The following EGFLAM variants were observed in gnomAD, a reference collection of about 807,000 sequenced individuals.
The protein encoded by EGFLAM is pikachurin.
A neutral mutation model predicts 113.1 loss-of-function variants in EGFLAM; 79 were observed. That is an observed-to-expected ratio of 0.70 (90% CI 0.58 to 0.84). EGFLAM has a LOEUF of 0.84. Among genes scored for constraint, EGFLAM ranks in the 40% least tolerant of loss-of-function variants. The pLI, the probability that EGFLAM is intolerant of heterozygous loss-of-function variation, is 0.00. For missense variants in EGFLAM, 1,265 were observed against 1,291.6 expected, an observed-to-expected ratio of 0.98 and a Z score of 0.32; for synonymous variants, 504 against 487.6, an observed-to-expected ratio of 1.03 and a Z score of -0.44.
Position 38,311,782 on chromosome 5 carries a change from A to G in EGFLAM, c.98-25738A>G, listed in dbSNP as rs977570594. ...TAGAGTTGCTGACAATGAGAAGGGGATGCAAAAAAGGCAAAGAAACAGAAG... is the reference window on the plus strand; with the variant it reads ...TAGAGTTGCTGACAATGAGAAGGGGGTGCAAAAAAGGCAAAGAAACAGAAG... On this transcript the variant is annotated intron_variant, in intron 1 of 21. Transcript: ENST00000322350. Among the ~76,000 whole-genome samples the G allele has an allele frequency of 3.3e-5, 5 of 152,228 alleles. No homozygotes were observed. In the South Asian group the frequency reaches 1.0e-3, roughly 32 times the overall value.
intron 12 of EGFLAM, among the ~76,000 whole-genome samples, chr5:38,420,381 A>G (rs1457300719): frequency 6.6e-6 from 1 of 152,202 alleles, no homozygotes; most frequent in Non-Finnish European, 1.5e-5. Flanking sequence ...TGTCTCCAAA[A>G]TCCATCTTCT....
At chr5:38,358,626 C>T (rs1310566013) in intron 5 of EGFLAM, among the ~76,000 whole-genome samples, 1 of 151,950 alleles carries the variant, frequency 6.6e-6, no homozygotes, top group Non-Finnish European at 1.5e-5. Context: ...CTATTACCCC[C>T]AAAATAGAGG....
chr5:38,396,017 C>T (rs575759158), intron 6 of EGFLAM, among the ~76,000 whole-genome samples: 62 of 104,730 alleles, frequency 5.9e-4, no homozygotes, highest in African/African-American at 2.8e-3. Context: ...TCCCTGCTTT[C>T]CTTCAAGCTA....
intron 1 of EGFLAM, among the ~76,000 whole-genome samples, chr5:38,268,185 A>G (rs377711619): frequency 6.6e-6 from 1 of 152,144 alleles, no homozygotes; most frequent in East Asian, 1.9e-4. Flanking sequence ...AGCATTACCT[A>G]TTGTAATAAA....
chr5:38,349,727 G>A (rs1305049326), intron 3 of EGFLAM, among the ~76,000 whole-genome samples: 1 of 151,216 alleles, frequency 6.6e-6, no homozygotes, highest in Non-Finnish European at 1.5e-5. Context: ...GCCCTCTTCC[G>A]CTGGGGCTTC....
chr5:38,425,063 T>C lies in EGFLAM; in HGVS notation c.1781T>C (p.Leu594Pro). 2 of 1,614,030 alleles carry C rather than the reference T, an allele frequency of 1.2e-6. No homozygotes were observed. The highest frequency in any genetic ancestry group is 1.1e-5 in the South Asian group (1 of 91,066). ...GACTCCTACATTTGCCTCTGTCCCC[T>C]TGGGTTTAAAGGTCGACACTGTGAA... ...KADSYICLCP[L>P]GFKGRHCEDA... The change falls in exon 13 of 22, where the codon CTT (leucine) becomes CCT (proline). Residue 594 changes from leucine to proline, a missense_variant. Coordinates refer to ENST00000322350, the MANE Select transcript of EGFLAM (RefSeq NM_152403.4).
At chr5:38,273,467 C>T (rs756685415) in intron 1 of EGFLAM, among the ~76,000 whole-genome samples, 4 of 152,244 alleles carry the variant, frequency 2.6e-5, no homozygotes, top group Non-Finnish European at 4.4e-5. Context: ...GACTTTTGGG[C>T]ATGCCCCAGT....
chr5:38,449,403 C>A (rs977785206), intron 18 of EGFLAM, among the ~76,000 whole-genome samples: 3 of 152,316 alleles, frequency 2.0e-5, no homozygotes, highest in Non-Finnish European at 2.9e-5. Flanking sequence ...TCTACGTTGT[C>A]TTGGCATGGG....
At chr5:38,333,106 T>C (rs1303987324) in intron 1 of EGFLAM, among the ~76,000 whole-genome samples, 1 of 152,222 alleles carries the variant, frequency 6.6e-6, no homozygotes, top group Non-Finnish European at 1.5e-5. Flanking sequence ...TCCAGCTCCA[T>C]TCATGTTCCC....
Position 38,409,051 on chromosome 5 carries a change from C to T in EGFLAM, c.1296C>T (p.His432=), listed in dbSNP as rs375160813. 11 of 1,595,208 alleles carry T rather than the reference C, an allele frequency of 6.9e-6. No homozygotes were observed. Among genetic ancestry groups the T allele is most frequent in the African/African-American group, 2.7e-5 (2 of 74,526 alleles). The change falls in exon 10 of 22, where the codon CAC becomes CAT. Residue 432 remains histidine, a synonymous_variant. Coordinates refer to ENST00000322350, the MANE Select transcript of EGFLAM (RefSeq NM_152403.4). ...TGCTCTACTGTGGGGAGAACGAACA[C>T]GGGAGGGGGGATTTCATGTCCCTGG... ...GLLLYCGENE[H]GRGDFMSLAI... is the part of the protein sequence containing the mutation.
At chr5:38,344,090 A>G (rs918777517) in intron 3 of EGFLAM, among the ~76,000 whole-genome samples, 2 of 152,260 alleles carry the variant, frequency 1.3e-5, no homozygotes, top group Admixed American at 6.5e-5. Context: ...AAAGAACAGC[A>G]TCATGTAAGG....
At chr5:38,413,985 G>A (rs1242945538) in intron 11 of EGFLAM, among the ~76,000 whole-genome samples, 1 of 152,158 alleles carries the variant, frequency 6.6e-6, no homozygotes, top group African/African-American at 2.4e-5. Flanking sequence ...AGAAGACGGA[G>A]CTCAGGCGGA....
At chr5:38,388,271 A>C (rs1324842145) in intron 6 of EGFLAM, among the ~76,000 whole-genome samples, 1 of 152,214 alleles carries the variant, frequency 6.6e-6, no homozygotes, top group African/African-American at 2.4e-5. Context: ...GAAGTCACTC[A>C]ACTTTGAGCT....
rs1025883540 is a variant in EGFLAM, at chr5:38,396,715, T to C, written c.713-9411T>C. On this transcript the variant is annotated intron_variant, in intron 6 of 21. Coordinates refer to ENST00000322350, the MANE Select transcript of EGFLAM (RefSeq NM_152403.4). ...AGGTTGCCAGGAAATTATTATTCAT[T>C]ATTCTCTAAACTTACAGAGGCTCCA... Among the ~76,000 whole-genome samples the C allele has an allele frequency of 2.6e-5, 4 of 152,238 alleles. No individual in the cohort carries two copies. The South Asian group carries it at 8.3e-4, about 32-fold the overall frequency.
At chr5:38,328,322 G>C (rs2561127) in intron 1 of EGFLAM, among the ~76,000 whole-genome samples, 33,762 of 152,096 alleles carry the variant, frequency 0.22, 5,878 homozygotes, top group African/African-American at 0.48. Context: ...CCATGATCCA[G>C]TCACCTTCCA....
intron 1 of EGFLAM, among the ~76,000 whole-genome samples, chr5:38,324,518 T>C (rs1269883268): frequency 6.6e-6 from 1 of 152,212 alleles, no homozygotes; most frequent in East Asian, 1.9e-4. Flanking sequence ...AGAAAAATGC[T>C]GTCCTCAAAA....
At chr5:38,312,711 C>G (rs1044061078) in intron 1 of EGFLAM, among the ~76,000 whole-genome samples, 1 of 152,190 alleles carries the variant, frequency 6.6e-6, no homozygotes, top group Non-Finnish European at 1.5e-5. Flanking sequence ...GCACCTGACA[C>G]AGTCAAAACT....
At chr5:38,280,518 CT>C (rs1757989145) in intron 1 of EGFLAM, among the ~76,000 whole-genome samples, 1 of 152,176 alleles carries the variant, frequency 6.6e-6, no homozygotes, top group Admixed American at 6.5e-5. Flanking sequence ...TTCCTCTCTC[CT>C]TTAGTACAGC....
intron 3 of EGFLAM, among the ~76,000 whole-genome samples, chr5:38,348,976 G>A (rs753811572): frequency 3.3e-5 from 5 of 152,196 alleles, no homozygotes. Context: ...GTCTGGAGTG[G>A]AGTTCGGGCC....
Sources: gnomAD v4.1 joint callset for allele counts (sites outside exome capture counted in the v4.1 genomes callset) on GRCh38, gnomAD v4.1.1 for gene constraint, MANE v1.5 for transcripts, NCBI Gene and HGNC (gene_info 2026-07-23, HGNC 2026-07-21) for gene names.